The following PLD1 variants were observed in gnomAD, a reference collection of about 807,000 sequenced individuals.
PLD1 encodes the protein phospholipase D1, also known as choline phosphatase 1.
Under a neutral mutation model 137.1 loss-of-function variants are expected in PLD1, and 112 were observed. The ratio of observed to expected loss-of-function variants is 0.82; its 90% CI spans 0.70 to 0.96. The LOEUF (loss-of-function observed/expected upper bound fraction) is 0.96. Ranked by LOEUF, PLD1 falls within the 40% of genes least tolerant of loss-of-function variation. PLD1 has a pLI of 0.00. For missense variants in PLD1, 1,321 were observed against 1,342.0 expected, an observed-to-expected ratio of 0.98 and a Z score of 0.24; for synonymous variants, 431 against 454.7, an observed-to-expected ratio of 0.95 and a Z score of 0.66.
chr3:171,633,463 C>T (rs926874498), intron 23 of PLD1, among the ~76,000 whole-genome samples: 1 of 151,960 alleles, frequency 6.6e-6, no homozygotes, highest in Non-Finnish European at 1.5e-5. Flanking sequence ...TTGGTGTGTG[C>T]ATCACACACC....
At chr3:171,624,554 A>AAT (rs1240695923) in intron 23 of PLD1, among the ~76,000 whole-genome samples, 84 of 151,878 alleles carry the variant, frequency 5.5e-4, no homozygotes, top group Non-Finnish European at 1.0e-3. Context: ...AACAAATAAG[A>AAT]ATATATGTAT....
chr3:171,687,524 T>C lies in PLD1; in HGVS notation c.1600A>G (p.Asn534Asp), dbSNP rs1337615044. The C allele has an allele frequency of 6.2e-7, 1 of 1,614,016 alleles. No individual in the cohort carries two copies. The highest frequency in any genetic ancestry group is 8.5e-7 in the Non-Finnish European group (1 of 1,179,996). ...TCAATACTCTTCTGGATGGGTAGGT[T>C]TTGAACAGGCTCATTTTTATCTTTG... Reference protein sequence around the residue: ...RLKDKNEPVQNLPIQKSIDDV... With the variant: ...RLKDKNEPVQDLPIQKSIDDV... The change falls in exon 15 of 27, where the codon AAC (asparagine) becomes GAC (aspartate). Residue 534 changes from asparagine (N) to aspartate (D), a missense_variant. Asn to Asp is a conservative substitution (Grantham distance 23, BLOSUM62 1). Coordinates refer to ENST00000351298, the MANE Select transcript of PLD1 (RefSeq NM_002662.5).
intron 19 of PLD1, among the ~76,000 whole-genome samples, chr3:171,663,693 T>C (rs1362808270): frequency 6.6e-6 from 1 of 152,212 alleles, no homozygotes; most frequent in Non-Finnish European, 1.5e-5. Flanking sequence ...TAACTAGCAT[T>C]GCAGTATGAT....
chr3:171,763,496 AGGGGG>A, intron 1 of PLD1, among the ~76,000 whole-genome samples: 1 of 6,470 alleles, frequency 1.5e-4, no homozygotes, highest in South Asian at 0.015. Context: ...AGGGGAGGGG[AGGGGG>A]GAGGGGAGGA....
intron 23 of PLD1, among the ~76,000 whole-genome samples, chr3:171,635,978 T>C (rs1578154511): frequency 1.3e-5 from 1 of 76,502 alleles, no homozygotes; most frequent in African/African-American, 5.2e-5. Flanking sequence ...TTTTTTTTTT[T>C]TTTTTTTTTT....
chr3:171,613,525 G>A (rs557435001), intron 24 of PLD1, among the ~76,000 whole-genome samples: 4 of 152,262 alleles, frequency 2.6e-5, no homozygotes, highest in African/African-American at 9.6e-5. Flanking sequence ...AATTAATAGA[G>A]TATAATCTCA....
intron 1 of PLD1, among the ~76,000 whole-genome samples, chr3:171,795,166 TC>T (rs1383103476): frequency 6.6e-6 from 1 of 152,200 alleles, no homozygotes. Flanking sequence ...CGCAACCAGT[TC>T]CATGAAGAAT....
intron 11 of PLD1, among the ~76,000 whole-genome samples, chr3:171,705,120 T>C (rs149558044): frequency 1.5e-4 from 23 of 151,990 alleles, no homozygotes; most frequent in African/African-American, 4.8e-4. Context: ...GGCTTGGAGG[T>C]TGGGGACCCT....
At chr3:171,802,193 G>T (rs1334224153) in intron 1 of PLD1, among the ~76,000 whole-genome samples, 1 of 152,292 alleles carries the variant, frequency 6.6e-6, no homozygotes, top group South Asian at 2.1e-4. Flanking sequence ...TAGTTAGTGA[G>T]CACCTACTAC....
In PLD1 at chr3:171,642,840, G is replaced by T. The variant is rs749248057; in HGVS notation, c.2593C>A (p.Leu865Ile). The change falls in exon 23 of 27, where the codon CTT becomes ATT. Residue 865 changes from leucine to isoleucine, a missense_variant and splice_region_variant. By Grantham distance (5) the Leu-to-Ile change is conservative. Coordinates refer to ENST00000351298, the MANE Select transcript of PLD1 (RefSeq NM_002662.5). ...NSILGQLKAE[L>I]GNQWINYISF... ...TATGAGAAAAAAAGCAGTTACTTAC[G>T]CTCTGCTTTTAACTGTCCAAGGATG... is the stretch of plus-strand genomic sequence containing the variant. 7 of 1,552,692 alleles carry T rather than the reference G, an allele frequency of 4.5e-6. No homozygotes were observed. Among genetic ancestry groups the T allele is most frequent in the Non-Finnish European group, 6.2e-6 (7 of 1,135,464 alleles).
chr3:171,617,641 C>T lies in PLD1; in HGVS notation c.2728+2745G>A, dbSNP rs370490249. ...AAATATATGTGTGTCTGGTTAAAGGCTAAAATTAAGATAGGTAAGAAAACT... is the reference window on the plus strand; with the variant it reads ...AAATATATGTGTGTCTGGTTAAAGGTTAAAATTAAGATAGGTAAGAAAACT... On this transcript the variant is annotated intron_variant, in intron 24 of 26. Transcript: ENST00000351298. 7.9e-5 allele frequency among the ~76,000 whole-genome samples: 12 copies of T among 152,204 alleles called. No individual in the cohort carries two copies. The East Asian group carries it at 1.4e-3, about 17-fold the overall frequency.
intron 25 of PLD1, chr3:171,611,435 A>G: frequency 2.8e-6 from 1 of 356,654 alleles, no homozygotes; most frequent in South Asian, 2.2e-5. Flanking sequence ...AGAAAACACA[A>G]CAGGGGACGT....
At chr3:171,634,900 C>CA (rs981359041) in intron 23 of PLD1, among the ~76,000 whole-genome samples, 15 of 151,936 alleles carry the variant, frequency 9.9e-5, no homozygotes, top group Admixed American at 6.6e-5. Context: ...ATCACTCCCC[C>CA]AAAAAAACCC....
intron 1 of PLD1, among the ~76,000 whole-genome samples, chr3:171,760,110 C>G (rs1721292878): frequency 6.6e-6 from 1 of 151,366 alleles, no homozygotes; most frequent in South Asian, 2.1e-4. Context: ...TTTATTTATT[C>G]CCGTTTTAAA....
At chr3:171,686,167 G>A (rs1714540300) in intron 16 of PLD1, among the ~76,000 whole-genome samples, 1 of 148,548 alleles carries the variant, frequency 6.7e-6, no homozygotes, top group Non-Finnish European at 1.5e-5. Context: ...TAAAATTCCA[G>A]CTCCCAAATG....
intron 6 of PLD1, among the ~76,000 whole-genome samples, chr3:171,731,732 A>C (rs112636882): frequency 0.013 from 1,938 of 152,168 alleles, 37 homozygotes; most frequent in African/African-American, 0.041. Context: ...AGATCATGCC[A>C]CTGCACTCCA....
intron 9 of PLD1, among the ~76,000 whole-genome samples, chr3:171,712,651 G>T (rs1717355880): frequency 6.6e-6 from 1 of 152,094 alleles, no homozygotes; most frequent in South Asian, 2.1e-4. Flanking sequence ...ATCATGGGGG[G>T]GATCTTACAC....
intron 1 of PLD1, among the ~76,000 whole-genome samples, chr3:171,764,867 GAAAGAAAGAAAGAAAGAA>G (rs1560288167): frequency 0.018 from 438 of 24,182 alleles, 83 homozygotes; most frequent in Middle Eastern, 0.031. Context: ...AAGAAAGAAA[GAAAGAAAGAAAGAAAGAA>G]AGAAAGAAAG....
chr3:171,654,137 C>A, intron 21 of PLD1: 1 of 358,578 alleles, frequency 2.8e-6, no homozygotes, highest in South Asian at 2.0e-5. Context: ...CCCGTCTCCA[C>A]CAAAAATACA....
Sources: allele counts gnomAD v4.1 joint callset (sites outside exome capture counted in the v4.1 genomes callset), GRCh38; gene constraint gnomAD v4.1.1; transcripts MANE v1.5; gene names NCBI Gene and HGNC (gene_info 2026-07-23, HGNC 2026-07-21).